The following FBLN1 variants were observed in gnomAD, a reference collection of about 807,000 sequenced individuals.
FBLN1 encodes the protein fibulin-1.
FBLN1 carries 34 observed loss-of-function variants against 89.7 expected under a neutral mutation model. That is an observed-to-expected ratio of 0.38 (90% CI 0.29 to 0.50). FBLN1 has a LOEUF of 0.50. FBLN1 is among the 20% of genes least tolerant of loss of function. The pLI, the probability that FBLN1 is intolerant of heterozygous loss-of-function variation, is 0.92. For synonymous variants in FBLN1, 393 were observed against 391.3 expected (o/e 1.00, Z -0.05); for missense variants, 777 against 988.1 (o/e 0.79, Z 2.86).
intron 1 of FBLN1, 32 bp downstream of exon 1, chr22:45,503,096 T>C: frequency 8.2e-7 from 1 of 1,224,416 alleles, no homozygotes; most frequent in Non-Finnish European, 1.0e-6. Context: ...CGCCCCAGCT[T>C]AGGGTCCCGA....
At chr22:45,521,772 G>C (rs962473767) in intron 2 of FBLN1, among the ~76,000 whole-genome samples, 1 of 152,210 alleles carries the variant, frequency 6.6e-6, no homozygotes, top group Non-Finnish European at 1.5e-5. Flanking sequence ...GGCAAGGGCT[G>C]TGGATGCGGG....
chr22:45,518,551 T>TG, intron 1 of FBLN1, 131 bp from the exon 2 acceptor site: 1 of 631,978 alleles, frequency 1.6e-6, no homozygotes, highest in Non-Finnish European at 2.7e-6. Flanking sequence ...GCAGAGTGAC[T>TG]AAGGGATGTG....
rs2089038028 is a variant in FBLN1 at position 45,581,038 on chromosome 22, T to C, written c.1972+3930T>C. Among the ~76,000 whole-genome samples, 1 of 152,220 alleles carries C rather than the reference T, an allele frequency of 6.6e-6. No individual in the cohort carries two copies. Among genetic ancestry groups the C allele is most frequent in the Non-Finnish European group, 1.5e-5 (1 of 68,042 alleles). On this transcript the variant is annotated intron_variant, in intron 16 of 16. Coordinates refer to ENST00000327858, the MANE Select transcript of FBLN1 (RefSeq NM_006486.3). This position sits in a 1 kb window ranked among gnomAD's most constrained non-coding sequence, Gnocchi z 7.6. The stretch of plus-strand genomic sequence containing the variant: ...GGGATTCTCAGGCCACTACAAAGCT[T>C]TCCTTATCTGGCTCTGGATTCATTC...
chr22:45,551,166 C>T, intron 14 of FBLN1: 1 of 215,634 alleles, frequency 4.6e-6, no homozygotes, highest in Non-Finnish European at 9.4e-6. Flanking sequence ...TGTAAGCTCA[C>T]TCACTCCTAG....
rs1012395621 is a variant in FBLN1, at chr22:45,531,476, C to T, written c.544+152C>T. ...TTGTGGCTGCAGTGAGCTATGACTG[C>T]ACCTTTGCACTCTAGCCTGGGCAAC... On this transcript the variant is annotated intron_variant, in intron 5 of 16. Transcript: ENST00000327858. This position sits in a 1 kb window ranked among gnomAD's most constrained non-coding sequence, Gnocchi z 4.9. The T allele has an allele frequency of 7.2e-6, 5 of 689,830 alleles. No homozygotes were observed. The highest frequency in any genetic ancestry group is 3.5e-5 in the African/African-American group (2 of 56,386). The allele number at this position is 689,830 out of a possible 1,614,324, so 42.7% of individuals were successfully genotyped here.
chr22:45,587,806 ACTC>A (rs2089101132), intron 16 of FBLN1, among the ~76,000 whole-genome samples: 2 of 149,984 alleles, frequency 1.3e-5, no homozygotes, highest in South Asian at 2.1e-4. Context: ...CTTTTGGTGA[ACTC>A]CTATTCATCC....
intron 14 of FBLN1, among the ~76,000 whole-genome samples, chr22:45,553,160 C>A (rs940314822): frequency 6.6e-6 from 1 of 152,250 alleles, no homozygotes; most frequent in Non-Finnish European, 1.5e-5. Context: ...TATCCACAAG[C>A]ACCTGGGGTG....
chr22:45,509,788 G>C (rs374212773), intron 1 of FBLN1, among the ~76,000 whole-genome samples: 8 of 152,262 alleles, frequency 5.3e-5, no homozygotes, highest in African/African-American at 1.9e-4. Context: ...CTCTGTGGTT[G>C]ACATCTTGTT....
rs1477524675 is a variant in FBLN1 at position 45,581,860 on chromosome 22, C to T, written c.1972+4752C>T. ...AGCCAGGAAGGGAGGGCACAGCCTG[C>T]GGTTTGGGGCTGCTGGAGCATCCAG... On this transcript the variant is annotated intron_variant, in intron 16 of 16. Transcript: ENST00000327858. The surrounding 1 kb of genome is among the most constrained non-coding windows in gnomAD (Gnocchi z 7.6). Among the ~76,000 whole-genome samples the T allele has an allele frequency of 1.3e-5, 2 of 152,010 alleles. No individual in the cohort carries two copies. Among genetic ancestry groups the T allele is most frequent in the Admixed American group, 6.5e-5 (1 of 15,270 alleles).
chr22:45,595,957 C>T (rs2089181605), intron 16 of FBLN1, among the ~76,000 whole-genome samples: 1 of 152,174 alleles, frequency 6.6e-6, no homozygotes, highest in Admixed American at 6.5e-5. Flanking sequence ...ACAACCTCCG[C>T]CTCCTGGATT....
At chr22:45,591,195 C>T (rs1015541021) in intron 16 of FBLN1, among the ~76,000 whole-genome samples, 5 of 152,130 alleles carry the variant, frequency 3.3e-5, no homozygotes, top group Non-Finnish European at 5.9e-5. Context: ...GCTTGCTGGC[C>T]GTGTGATTGT....
In FBLN1 at chr22:45,583,900, G is replaced by A. The variant is rs904698514; in HGVS notation, c.1972+6792G>A. Among the ~76,000 whole-genome samples the A allele has an allele frequency of 1.3e-5, 2 of 152,196 alleles. No individual in the cohort carries two copies. Among genetic ancestry groups the A allele is most frequent in the African/African-American group, 4.8e-5 (2 of 41,440 alleles). On this transcript the variant is annotated intron_variant, in intron 16 of 16. Transcript: ENST00000327858. This position sits in a 1 kb window ranked among gnomAD's most constrained non-coding sequence, Gnocchi z 4.5. ...TTTCCCGTGAGGAATTCTAACTGGGGGGCTTGGAGCAGGCAGGAGTTCCCT... is the reference window on the plus strand; with the variant it reads ...TTTCCCGTGAGGAATTCTAACTGGGAGGCTTGGAGCAGGCAGGAGTTCCCT...
At position 45,534,090 on chromosome 22, in the gene FBLN1, A is replaced by G. The variant is rs201797292; in HGVS notation, c.784+192A>G. ...GTCTGGACAGGTGGGATGGAAGGTGAAAGTGCTTGCCAATAATGTTCAGAA... is the reference window on the plus strand; with the variant it reads ...GTCTGGACAGGTGGGATGGAAGGTGGAAGTGCTTGCCAATAATGTTCAGAA... On this transcript the variant is annotated intron_variant, in intron 7 of 16. Coordinates refer to ENST00000327858, the MANE Select transcript of FBLN1 (RefSeq NM_006486.3). Among the ~76,000 whole-genome samples the G allele has an allele frequency of 2.6e-5, 4 of 152,316 alleles. No individual in the cohort carries two copies. The East Asian group carries it at 7.7e-4, about 29-fold the overall frequency.
chr22:45,531,383 G>C lies in FBLN1; in HGVS notation c.544+59G>C. Reference sequence around the variant, plus strand: ...TAAACAAACCCCAAGGGGCCAGCAAGGTGGCTCAGGCCTGTAATCCTAGTA... The same window carrying C: ...TAAACAAACCCCAAGGGGCCAGCAACGTGGCTCAGGCCTGTAATCCTAGTA... On this transcript the variant is annotated intron_variant, in intron 5 of 16. Transcript: ENST00000327858. The surrounding 1 kb of genome is among the most constrained non-coding windows in gnomAD (Gnocchi z 4.9). 6.8e-7 allele frequency: 1 copy of C among 1,465,388 alleles called. No individual in the cohort carries two copies. The highest frequency in any genetic ancestry group is 1.1e-5 in the South Asian group (1 of 87,900). 90.8% of individuals were successfully genotyped at this position (1,465,388 alleles called of 1,614,324 possible).
intron 10 of FBLN1, 119 bp downstream of exon 10, chr22:45,542,402 C>A: frequency 7.3e-7 from 1 of 1,372,202 alleles, no homozygotes; most frequent in Non-Finnish European, 1.0e-6. Context: ...CAAGTGCAGG[C>A]AGACCCTGAG....
intron 14 of FBLN1, among the ~76,000 whole-genome samples, chr22:45,553,887 A>G (rs929229863): frequency 6.6e-6 from 1 of 152,194 alleles, no homozygotes; most frequent in Non-Finnish European, 1.5e-5. Flanking sequence ...AGTACCCGCC[A>G]TGCTGAGAGA....
chr22:45,590,232 C>A lies in FBLN1; in HGVS notation c.1973-10075C>A, dbSNP rs570432741. Among the ~76,000 whole-genome samples, 16 of 152,380 alleles carry A rather than the reference C, an allele frequency of 1.1e-4. No homozygotes were observed. The highest frequency in any genetic ancestry group is 2.1e-4 in the South Asian group (1 of 4,830). ...CCGCCAGGCCAGCCTCTCTTCCCCC[C>A]CATCCCTCCAGACCTTCATTGCATC... On this transcript the variant is annotated intron_variant, in intron 16 of 16. Transcript: ENST00000327858. This position sits in a 1 kb window ranked among gnomAD's most constrained non-coding sequence, Gnocchi z 4.1.
chr22:45,593,955 C>T (rs1225319368), intron 16 of FBLN1, among the ~76,000 whole-genome samples: 1 of 152,230 alleles, frequency 6.6e-6, no homozygotes, highest in Non-Finnish European at 1.5e-5. Context: ...CTGTGAGCGT[C>T]CCCTGCAATG....
intron 14 of FBLN1, among the ~76,000 whole-genome samples, chr22:45,555,292 A>ATATAT (rs1569254431): frequency 7.1e-5 from 10 of 141,774 alleles, no homozygotes; most frequent in African/African-American, 2.6e-4. Flanking sequence ...TATATATATA[A>ATATAT]AATGGAATAT....
Sources: allele counts gnomAD v4.1 joint callset (sites outside exome capture counted in the v4.1 genomes callset), GRCh38; gene constraint gnomAD v4.1.1; non-coding constraint Gnocchi (gnomAD v3.1); transcripts MANE v1.5; gene names NCBI Gene and HGNC (gene_info 2026-07-23, HGNC 2026-07-21).